Variants in BAIAP2L2 observed in about 807,000 individuals in gnomAD.
BAIAP2L2 encodes BAR/IMD domain-containing adapter protein 2-like 2.
Under a neutral mutation model 60.4 loss-of-function variants are expected in BAIAP2L2, and 65 were observed. That is an observed-to-expected ratio of 1.08 (90% CI 0.88 to 1.32). BAIAP2L2 has a LOEUF of 1.32. Ranked by LOEUF, BAIAP2L2 falls within the 40% of genes most tolerant of loss-of-function variation. The probability of loss-of-function intolerance (pLI) is 0.00; values close to 1 mark genes in which losing one functional copy is unlikely to be tolerated. For synonymous variants in BAIAP2L2, 344 were observed against 301.7 expected (o/e 1.14, Z -1.45); for missense variants, 836 against 741.2 (o/e 1.13, Z -1.48).
Position 38,088,832 on chromosome 22 carries a change from C to G in BAIAP2L2, c.1034G>C (p.Arg345Pro), listed in dbSNP as rs778920958. 1 of 1,600,088 alleles carries G rather than the reference C, an allele frequency of 6.2e-7. No homozygotes were observed. Residue 345 changes from arginine (R) to proline (P), a missense_variant, in exon 10 of 14, where the codon CGC (arginine) becomes CCC (proline). Physicochemically the swap from Arg to Pro is moderately radical, Grantham distance 103. Coordinates refer to ENST00000381669, the MANE Select transcript of BAIAP2L2 (RefSeq NM_025045.6). ...HSEGANHTLL[R>P]FSAGDVVEVL... Reference sequence around the variant, plus strand: ...CTCCACCACGTCCCCAGCGGAGAAGCGCAGCAGCGTGTGGTTGGCGCCCTC... The same window carrying G: ...CTCCACCACGTCCCCAGCGGAGAAGGGCAGCAGCGTGTGGTTGGCGCCCTC...
At chr22:38,086,083 A>G (rs1188567142) in intron 12 of BAIAP2L2, among the ~76,000 whole-genome samples, 159 bp downstream of exon 12, 1 of 152,050 alleles carries the variant, frequency 6.6e-6, no homozygotes, top group Admixed American at 6.6e-5. Context: ...TTCAGCCCAG[A>G]CTCAGCCCCA....
At position 38,085,518 on chromosome 22, in the gene BAIAP2L2, T is replaced by G. The variant is rs564649789; in HGVS notation, c.1515-143A>C. ...ATCCACTCCTTGCCCCGCTTCATCTTTTTTTTTCTTTTAAGAGATAGGGTC... is the reference window on the plus strand; with the variant it reads ...ATCCACTCCTTGCCCCGCTTCATCTGTTTTTTTCTTTTAAGAGATAGGGTC... On this transcript the variant is annotated intron_variant, in intron 13 of 13. Coordinates refer to ENST00000381669, the MANE Select transcript of BAIAP2L2 (RefSeq NM_025045.6). 9.4e-5 allele frequency: 121 copies of G among 1,291,580 alleles called. No homozygotes were observed. The African/African-American group carries it at 1.7e-3, about 18-fold the overall frequency. The allele number at this position is 1,291,580 out of a possible 1,614,324, so 80.0% of individuals were successfully genotyped here.
rs367764330 is a variant in BAIAP2L2, at chr22:38,098,094, C to T, written c.434G>A (p.Arg145His). The T allele has an allele frequency of 6.2e-7, 1 of 1,606,190 alleles. No individual in the cohort carries two copies. The highest frequency in any genetic ancestry group is 8.5e-7 in the Non-Finnish European group (1 of 1,176,224). Residue 145 changes from arginine (R) to histidine (H), a missense_variant, in exon 6 of 14, where the codon CGC (arginine) becomes CAC (histidine). Physicochemically the swap from Arg to His is conservative, Grantham distance 29. Transcript: ENST00000381669. Reference protein sequence around the residue: ...KCMSELWRMERKRDKNVREMK... With the variant: ...KCMSELWRMEHKRDKNVREMK... ...CTCCCGCACGTTCTTGTCTCTCTTGCGCTCCATGCGCCACAGCTCAGACAT... is the reference window on the plus strand; with the variant it reads ...CTCCCGCACGTTCTTGTCTCTCTTGTGCTCCATGCGCCACAGCTCAGACAT...
rs373842998 is a variant in BAIAP2L2 at position 38,097,071 on chromosome 22, G to C, written c.573C>G (p.His191Gln). 2.5e-6 allele frequency: 4 copies of C among 1,614,062 alleles called. No individual in the cohort carries two copies. The African/African-American group carries it at 5.3e-5, about 22-fold the overall frequency. Residue 191 changes from histidine (H) to glutamine (Q), a missense_variant, in exon 7 of 14, where the codon CAC (histidine) becomes CAG (glutamine). His to Gln is a conservative substitution (Grantham distance 24). Transcript: ENST00000381669. ...KRRYRFLAEK[H>Q]LLLSNTFLQF... ...GCAGGAAGGTGTTGGAAAGTAGCAG[G>C]TGCTTCTCTGCTAGGAAGCGATAGC...
chr22:38,097,238 G>C lies in BAIAP2L2; in HGVS notation c.466-60C>G, dbSNP rs368315517. 2.2e-5 allele frequency: 34 copies of C among 1,576,190 alleles called. No individual in the cohort carries two copies. The East Asian group carries it at 4.3e-4, about 20-fold the overall frequency. ...GGGTGTGTCTCATCCCACCCCCCTCGCCCACAGGCGCCAGCTGTTCAAGCC... is the reference window on the plus strand; with the variant it reads ...GGGTGTGTCTCATCCCACCCCCCTCCCCCACAGGCGCCAGCTGTTCAAGCC... On this transcript the variant is annotated intron_variant, in intron 6 of 13. Transcript: ENST00000381669.
chr22:38,103,340 A>G (rs2086602791), intron 4 of BAIAP2L2, among the ~76,000 whole-genome samples: 1 of 152,240 alleles, frequency 6.6e-6, no homozygotes, highest in African/African-American at 2.4e-5. Context: ...GTATCCATCT[A>G]TGCGTTGCAC....
In BAIAP2L2 at chr22:38,098,049, C is replaced by G; in HGVS notation, c.465+14G>C. The G allele has an allele frequency of 8.0e-7, 1 of 1,250,076 alleles. No individual in the cohort carries two copies. The highest frequency in any genetic ancestry group is 1.1e-6 in the Non-Finnish European group (1 of 884,122). 77.4% of individuals were successfully genotyped at this position (1,250,076 alleles called of 1,614,324 possible). The stretch of plus-strand genomic sequence containing the variant: ...CGCCCTTCCTGGCCCACCCCCGCTT[C>G]CCGGCCCTCGCACCTTCATCTCCCG... On this transcript the variant is annotated intron_variant, in intron 6 of 13. Coordinates refer to ENST00000381669, the MANE Select transcript of BAIAP2L2 (RefSeq NM_025045.6).
At chr22:38,107,829 A>G (rs750537283) in intron 4 of BAIAP2L2, 23 bp downstream of exon 4, 5 of 1,610,698 alleles carry the variant, frequency 3.1e-6, no homozygotes, top group Middle Eastern at 3.3e-4. Context: ...TGACCCCTCC[A>G]GGCCCTGGGG....
intron 7 of BAIAP2L2, chr22:38,094,090 A>C: frequency 2.3e-6 from 1 of 437,598 alleles, no homozygotes; most frequent in South Asian, 1.6e-5. Flanking sequence ...TTTATATGAA[A>C]TGTCCAGAAT....
In BAIAP2L2 at chr22:38,087,280, A is replaced by G; in HGVS notation, c.1119-16T>C. On this transcript the variant is annotated splice_polypyrimidine_tract_variant and intron_variant, in intron 10 of 13. Transcript: ENST00000381669. ...CCAACCGCTCCTGTGGGGTAGAGGC[A>G]GAGGACAATGACCAAAAGAAGCCAG... 1 of 1,593,996 alleles carries G rather than the reference A, an allele frequency of 6.3e-7. No individual in the cohort carries two copies. The highest frequency in any genetic ancestry group is 1.1e-5 in the South Asian group (1 of 88,142).
At chr22:38,104,834 G>A (rs930070055) in intron 4 of BAIAP2L2, among the ~76,000 whole-genome samples, 2 of 151,638 alleles carry the variant, frequency 1.3e-5, no homozygotes, top group East Asian at 3.9e-4. Flanking sequence ...CCAAATTCTA[G>A]TGTCTCAGGC....
chr22:38,108,447 G>T, intron 2 of BAIAP2L2, 106 bp from the exon 3 acceptor site: 1 of 845,116 alleles, frequency 1.2e-6, no homozygotes. Context: ...TGGGGTGTGG[G>T]CATCTGTGTG....
intron 7 of BAIAP2L2, chr22:38,090,854 T>G (rs1260406136): frequency 6.6e-6 from 1 of 152,182 alleles, no homozygotes; most frequent in African/African-American, 2.4e-5. Flanking sequence ...ACTAAAAACC[T>G]CACGTCAAAC....
intron 6 of BAIAP2L2, 103 bp downstream of exon 6, chr22:38,097,960 T>C: frequency 9.2e-7 from 1 of 1,090,594 alleles, no homozygotes. Context: ...TGGTGCTCGG[T>C]GGGGGAGCTC....
In BAIAP2L2 at chr22:38,089,236, G is replaced by T; in HGVS notation, c.766-5C>A. On this transcript the variant is annotated splice_region_variant and splice_polypyrimidine_tract_variant and intron_variant, in intron 8 of 13. Transcript: ENST00000381669. ...CTCTCCCAGGGGCCTCGGGGGCTGC[G>T]GGGGAGATGGGCAGGGGAGGGTGGG... 1.4e-6 allele frequency: 1 copy of T among 693,758 alleles called. No individual in the cohort carries two copies. Among genetic ancestry groups the T allele is most frequent in the Non-Finnish European group, 2.0e-6 (1 of 506,842 alleles). 43.0% of individuals were successfully genotyped at this position (693,758 alleles called of 1,614,324 possible). A position where few individuals can be genotyped will look rare whatever the true frequency, so the allele number is the denominator to read the frequency against.
chr22:38,099,430 A>G (rs1422268649), intron 4 of BAIAP2L2, among the ~76,000 whole-genome samples: 1 of 152,104 alleles, frequency 6.6e-6, no homozygotes, highest in Non-Finnish European at 1.5e-5. Flanking sequence ...GCTACTCAGG[A>G]GGCTGAGGCA....
At chr22:38,108,738 T>C (rs2086723119) in intron 2 of BAIAP2L2, among the ~76,000 whole-genome samples, 1 of 151,998 alleles carries the variant, frequency 6.6e-6, no homozygotes, top group Non-Finnish European at 1.5e-5. Context: ...GGAAGCCAGC[T>C]GCTGTGTGAG....
rs764791297 is a variant in BAIAP2L2 at position 38,098,093 on chromosome 22, G to C, written c.435C>G (p.Arg145=). 1 of 1,452,662 alleles carries C rather than the reference G, an allele frequency of 6.9e-7. No homozygotes were observed. The highest frequency in any genetic ancestry group is 1.8e-5 in the Admixed American group (1 of 54,372). The allele number at this position is 1,452,662 out of a possible 1,614,324, so 90.0% of individuals were successfully genotyped here. Reference sequence around the variant, plus strand: ...TCTCCCGCACGTTCTTGTCTCTCTTGCGCTCCATGCGCCACAGCTCAGACA... The same window carrying C: ...TCTCCCGCACGTTCTTGTCTCTCTTCCGCTCCATGCGCCACAGCTCAGACA... ...KCMSELWRME[R]KRDKNVREMK... is the part of the protein sequence containing the mutation. The change falls in exon 6 of 14, where the codon CGC becomes CGG. Residue 145 remains arginine (R), a synonymous_variant. Coordinates refer to ENST00000381669, the MANE Select transcript of BAIAP2L2 (RefSeq NM_025045.6).
chr22:38,086,897 C>A (rs919873049), intron 11 of BAIAP2L2, among the ~76,000 whole-genome samples: 1 of 150,112 alleles, frequency 6.7e-6, no homozygotes, highest in East Asian at 1.9e-4. Flanking sequence ...TCAGGAGGCT[C>A]AGGCAGGAGA....
Sources: gnomAD v4.1 joint callset for allele counts (sites outside exome capture counted in the v4.1 genomes callset) on GRCh38, gnomAD v4.1.1 for gene constraint, MANE v1.5 for transcripts, NCBI Gene and HGNC (gene_info 2026-07-23, HGNC 2026-07-21) for gene names.